MTREX: variants seen among roughly 807,000 people sequenced by gnomAD.
The protein encoded by MTREX is Mtr4 exosome RNA helicase.
Under a neutral mutation model 135.4 loss-of-function variants are expected in MTREX, and 76 were observed. The ratio of observed to expected loss-of-function variants is 0.56; its 90% CI spans 0.47 to 0.68. MTREX has a LOEUF of 0.68. Ranked by LOEUF, MTREX falls within the 30% of genes least tolerant of loss-of-function variation. The pLI is 0.00. For synonymous variants in MTREX, 404 were observed against 401.6 expected, an observed-to-expected ratio of 1.01 and a Z score of -0.07; for missense variants, 920 against 1,262.1, an observed-to-expected ratio of 0.73 and a Z score of 4.11.
At position 55,345,661 on chromosome 5, in the gene MTREX, T is replaced by C. The variant is rs563780624; in HGVS notation, c.1108+465T>C. ...GTAATGTTTTCAAGGTTCGTTACTT[T>C]TAATTTTTTTTTTTTTTTTTTTTGA... is the stretch of plus-strand genomic sequence containing the variant. On this transcript the variant is annotated intron_variant, in intron 10 of 26. Transcript: ENST00000230640. Among the ~76,000 whole-genome samples the C allele has an allele frequency of 1.5e-4, 22 of 151,678 alleles. No individual in the cohort carries two copies. The South Asian group carries it at 4.6e-3, about 32-fold the overall frequency.
chr5:55,366,704 G>T (rs1276512201), intron 15 of MTREX, 21 bp from the exon 16 acceptor site: 2 of 1,509,090 alleles, frequency 1.3e-6, no homozygotes, highest in African/African-American at 1.4e-5. Context: ...CTACAAAATT[G>T]ACATTTTTTT....
At chr5:55,393,451 A>G (rs1750601103) in intron 19 of MTREX, among the ~76,000 whole-genome samples, 1 of 152,224 alleles carries the variant, frequency 6.6e-6, no homozygotes. Context: ...AGTTGGTTCA[A>G]AAAACAACTT....
intron 24 of MTREX, 120 bp downstream of exon 24, chr5:55,414,358 T>C (rs1750934388): frequency 1.3e-6 from 1 of 780,062 alleles, no homozygotes; most frequent in Non-Finnish European, 1.9e-6. Context: ...CCTATAAGGA[T>C]TAAATGTTAC....
intron 23 of MTREX, among the ~76,000 whole-genome samples, chr5:55,411,082 A>G (rs1222269173): frequency 6.6e-6 from 1 of 152,170 alleles, no homozygotes; most frequent in Non-Finnish European, 1.5e-5. Flanking sequence ...GCACGGTTTG[A>G]GGTAGTGAAT....
chr5:55,381,730 G>A (rs1750399200), intron 18 of MTREX, among the ~76,000 whole-genome samples: 1 of 152,318 alleles, frequency 6.6e-6, no homozygotes, highest in Middle Eastern at 3.4e-3. Flanking sequence ...CTGCTTTAAG[G>A]TGGGATGTTT....
chr5:55,362,083 A>ATTTTTTTTTTTTTT (rs35074192), intron 15 of MTREX, among the ~76,000 whole-genome samples: 63 of 111,144 alleles, frequency 5.7e-4, no homozygotes, highest in Non-Finnish European at 9.0e-4. Context: ...CGTCTGGCTA[A>ATTTTTTTTTTTTTT]TTTTTTTTTT....
At chr5:55,365,861 C>T (rs1234674746) in intron 15 of MTREX, among the ~76,000 whole-genome samples, 1 of 151,820 alleles carries the variant, frequency 6.6e-6, no homozygotes, top group Non-Finnish European at 1.5e-5. Flanking sequence ...CCTGGTGGCA[C>T]GCTCCTGTAG....
chr5:55,332,374 A>G (rs1749492242), intron 5 of MTREX, among the ~76,000 whole-genome samples: 1 of 152,180 alleles, frequency 6.6e-6, no homozygotes, highest in South Asian at 2.1e-4. Context: ...GGGGATACCT[A>G]AAGAGTAAAG....
In MTREX at chr5:55,379,194, A is replaced by G; in HGVS notation, c.2051A>G (p.Lys684Arg). The G allele has an allele frequency of 6.4e-7, 1 of 1,555,526 alleles. No individual in the cohort carries two copies. The highest frequency in any genetic ancestry group is 8.9e-7 in the Non-Finnish European group (1 of 1,129,110). The change falls in exon 18 of 27, where the codon AAG becomes AGG. Residue 684 changes from lysine (K) to arginine (R), a missense_variant and splice_region_variant. Physicochemically the swap from Lys to Arg is conservative, Grantham distance 26. This residue lies in a region of MTREX where 467 missense variants were observed against 589.7 expected (regional missense o/e 0.79). Coordinates refer to ENST00000230640, the MANE Select transcript of MTREX (RefSeq NM_015360.5). Reference sequence around the variant, plus strand: ...AATTTCTCAAAAAAGTCAAATGTTAAGGTAAACTATTATCTTTAAATTAGA... The same window carrying G: ...AATTTCTCAAAAAAGTCAAATGTTAGGGTAAACTATTATCTTTAAATTAGA... ...VVNFSKKSNV[K>R]PNSGELDPLY...
chr5:55,310,429 G>A (rs1176780132), intron 1 of MTREX, among the ~76,000 whole-genome samples: 1 of 152,094 alleles, frequency 6.6e-6, no homozygotes, highest in Non-Finnish European at 1.5e-5. Flanking sequence ...CCAACATGGC[G>A]AAACCCCATC....
At chr5:55,409,738 A>T (rs1750857873) in intron 22 of MTREX, among the ~76,000 whole-genome samples, 1 of 152,246 alleles carries the variant, frequency 6.6e-6, no homozygotes, top group South Asian at 2.1e-4. Flanking sequence ...AAGAAGAAAC[A>T]GACGTAGTGA....
intron 19 of MTREX, among the ~76,000 whole-genome samples, chr5:55,395,430 A>C (rs908993135): frequency 1.3e-5 from 2 of 152,100 alleles, no homozygotes; most frequent in African/African-American, 4.8e-5. Context: ...ATAAAATAAA[A>C]TAAAAGTTAG....
chr5:55,415,989 C>T lies in MTREX; in HGVS notation c.2828C>T (p.Ala943Val), dbSNP rs1398941510. ...RQMQECAKRI[A>V]KVSAEAKLEI... Reference sequence around the variant, plus strand: ...TTAAAGGAATGTGCTAAAAGAATTGCAAAAGTTTCAGCAGAAGCCAAATTG... The same window carrying T: ...TTAAAGGAATGTGCTAAAAGAATTGTAAAAGTTTCAGCAGAAGCCAAATTG... The change falls in exon 25 of 27, where the codon GCA becomes GTA. Residue 943 changes from alanine (A) to valine (V), a missense_variant. Physicochemically the swap from Ala to Val is moderately conservative, Grantham distance 64 (BLOSUM62 0). Coordinates refer to ENST00000230640, the MANE Select transcript of MTREX (RefSeq NM_015360.5). 1.9e-6 allele frequency: 3 copies of T among 1,588,788 alleles called. No individual in the cohort carries two copies. Among genetic ancestry groups the T allele is most frequent in the Non-Finnish European group, 2.6e-6 (3 of 1,172,012 alleles).
At chr5:55,366,198 G>T (rs1750101038) in intron 15 of MTREX, among the ~76,000 whole-genome samples, 1 of 152,100 alleles carries the variant, frequency 6.6e-6, no homozygotes, top group Non-Finnish European at 1.5e-5. Flanking sequence ...AAGACAAAAA[G>T]GAATTAAAGT....
intron 11 of MTREX, 104 bp from the exon 12 acceptor site, chr5:55,349,469 T>C (rs2112068007): frequency 1.4e-6 from 1 of 702,748 alleles, no homozygotes; most frequent in East Asian, 2.6e-5. Flanking sequence ...GATTACAAGC[T>C]TGGGACACCA....
chr5:55,344,271 A>G (rs919135583), intron 8 of MTREX, among the ~76,000 whole-genome samples: 2 of 152,162 alleles, frequency 1.3e-5, no homozygotes, highest in African/African-American at 4.8e-5. Context: ...GGTAATGGGT[A>G]GTTGATGCTC....
chr5:55,358,008 A>G lies in MTREX; in HGVS notation c.1534-565A>G, dbSNP rs547602889. Among the ~76,000 whole-genome samples, 3 of 152,354 alleles carry G rather than the reference A, an allele frequency of 2.0e-5. No homozygotes were observed. The South Asian group carries it at 6.2e-4, about 32-fold the overall frequency. ...GTTAATTATGATCAAGTCAGAATTG[A>G]TACTTGGTTGAGTTTGAGTCATTGC... On this transcript the variant is annotated intron_variant, in intron 14 of 26. Transcript: ENST00000230640.
rs1013607615 is a variant in MTREX at position 55,410,276 on chromosome 5, T to A, written c.2646-248T>A. Among the ~76,000 whole-genome samples the A allele has an allele frequency of 1.5e-4, 23 of 152,296 alleles. 1 individual carries two copies. The East Asian group carries it at 4.4e-3, about 29-fold the overall frequency. On this transcript the variant is annotated intron_variant, in intron 22 of 26. Coordinates refer to ENST00000230640, the MANE Select transcript of MTREX (RefSeq NM_015360.5). ...ATACTAAAGGTTAAGAAATTGTTCT[T>A]ATTTCACGAATGTGTGCATTTTGAT...
At chr5:55,381,221 T>TC (rs529033005) in intron 18 of MTREX, among the ~76,000 whole-genome samples, 2 of 152,112 alleles carry the variant, frequency 1.3e-5, no homozygotes, top group East Asian at 1.9e-4. Flanking sequence ...TGATTTTTTT[T>TC]CCCTCTATTT....
Sources: allele counts gnomAD v4.1 joint callset (sites outside exome capture counted in the v4.1 genomes callset), GRCh38; gene constraint gnomAD v4.1.1; regional missense constraint gnomAD v4.1.1; transcripts MANE v1.5; gene names NCBI Gene and HGNC (gene_info 2026-07-23, HGNC 2026-07-21).